Variants in XCR1 observed in about 807,000 individuals in gnomAD.
XCR1 encodes the protein X-C motif chemokine receptor 1, also known as chemokine XC receptor 1.
For synonymous variants in XCR1, 187 were observed against 188.5 expected, an observed-to-expected ratio of 0.99 and a Z score of 0.06; for missense variants, 356 against 424.2, an observed-to-expected ratio of 0.84 and a Z score of 1.41.
chr3:46,049,064 C>T (rs1355812326), intron 5 of XCR1, among the ~76,000 whole-genome samples: 1 of 152,164 alleles, frequency 6.6e-6, no homozygotes, highest in African/African-American at 2.4e-5. Context: ...TAGGCAATGT[C>T]ACTGTACATG....
chr3:46,033,576 AT>A (rs779922483), intron 5 of XCR1, among the ~76,000 whole-genome samples: 6 of 152,168 alleles, frequency 3.9e-5, no homozygotes, highest in Non-Finnish European at 5.9e-5. Context: ...CTGTAACTTT[AT>A]ATAAAGTCTT....
intron 4 of XCR1, among the ~76,000 whole-genome samples, chr3:46,054,150 T>C (rs1697806218): frequency 6.6e-6 from 1 of 152,162 alleles, no homozygotes; most frequent in Non-Finnish European, 1.5e-5. Flanking sequence ...GGGAGCACCT[T>C]GCCTCTAGTG....
Position 46,067,396 on chromosome 3 carries a change from A to G in XCR1, c.-262-418T>C, listed in dbSNP as rs187700262. Among the ~76,000 whole-genome samples, 11 of 152,304 alleles carry G rather than the reference A, an allele frequency of 7.2e-5. 1 individual carries two copies. The Middle Eastern group carries it at 0.017, about 235-fold the overall frequency. ...AGGGGGTTCAGTGTGGGTGAGGTGC[A>G]TGGTGTAAGAGGCAGGAACATCAAG... On this transcript the variant is annotated intron_variant, in intron 3 of 5. Coordinates refer to the XCR1 transcript ENST00000683768.
intron 1 of XCR1, among the ~76,000 whole-genome samples, chr3:46,077,051 T>C (rs1288683256): frequency 6.6e-6 from 1 of 152,188 alleles, no homozygotes; most frequent in Non-Finnish European, 1.5e-5. Flanking sequence ...AGTTACCTCT[T>C]GAAGCCACTT....
chr3:46,065,239 A>G (rs1698045329), intron 4 of XCR1, among the ~76,000 whole-genome samples: 1 of 152,210 alleles, frequency 6.6e-6, no homozygotes, highest in Non-Finnish European at 1.5e-5. Flanking sequence ...ATGTAGCAAT[A>G]GTCAAAACAA....
chr3:46,071,835 C>G (rs1698168696), intron 3 of XCR1, among the ~76,000 whole-genome samples: 1 of 152,070 alleles, frequency 6.6e-6, no homozygotes, highest in Non-Finnish European at 1.5e-5. Context: ...CCATATATGA[C>G]AAACCCATAG....
intron 1 of XCR1, chr3:46,023,294 C>T (rs1271243382): frequency 3.7e-6 from 3 of 819,274 alleles, no homozygotes; most frequent in Non-Finnish European, 6.1e-6. Flanking sequence ...CTGCTGCTGT[C>T]TATGGAAGTA....
intron 5 of XCR1, among the ~76,000 whole-genome samples, chr3:46,043,273 T>A (rs889201914): frequency 4.6e-5 from 7 of 151,960 alleles, no homozygotes; most frequent in Admixed American, 4.6e-4. Context: ...AAACCCCGTC[T>A]CTACTAAAAA....
chr3:46,040,099 A>G (rs942782811), intron 5 of XCR1, among the ~76,000 whole-genome samples: 1 of 152,184 alleles, frequency 6.6e-6, no homozygotes, highest in Non-Finnish European at 1.5e-5. Flanking sequence ...AGATAATAAG[A>G]GACTTTTGTT....
chr3:46,080,553 C>G (rs1372400203), intron 1 of XCR1, among the ~76,000 whole-genome samples: 1 of 152,088 alleles, frequency 6.6e-6, no homozygotes, highest in Non-Finnish European at 1.5e-5. Flanking sequence ...CAAAGCGAGA[C>G]CCTGTCTCAA....
At chr3:46,053,608 G>C (rs1697793251) in intron 5 of XCR1, among the ~76,000 whole-genome samples, 1 of 146,638 alleles carries the variant, frequency 6.8e-6, no homozygotes, top group Non-Finnish European at 1.5e-5. Context: ...TCCAAGAGGA[G>C]AAAACTGAAG....
chr3:46,071,425 T>TA (rs1183820799), intron 3 of XCR1, among the ~76,000 whole-genome samples: 1 of 152,006 alleles, frequency 6.6e-6, no homozygotes, highest in Non-Finnish European at 1.5e-5. Flanking sequence ...GATACTGTTC[T>TA]AAAAAATTGA....
intron 4 of XCR1, among the ~76,000 whole-genome samples, chr3:46,064,213 T>C (rs931922347): frequency 6.6e-6 from 1 of 152,212 alleles, no homozygotes; most frequent in Admixed American, 6.5e-5. Context: ...GTATTCAACA[T>C]TGACTGAACA....
At chr3:46,023,951 AT>A in intron 1 of XCR1, 1 of 1,464,314 alleles carries the variant, frequency 6.8e-7, no homozygotes, top group Admixed American at 1.7e-5. Context: ...GTAGATGCTG[AT>A]TTTGTAGAAA....
At chr3:46,049,473 G>T (rs1697698916) in intron 5 of XCR1, among the ~76,000 whole-genome samples, 1 of 152,200 alleles carries the variant, frequency 6.6e-6, no homozygotes, top group Non-Finnish European at 1.5e-5. Flanking sequence ...AGCTGCATGA[G>T]AGCGAATAAC....
intron 5 of XCR1, among the ~76,000 whole-genome samples, chr3:46,034,155 G>C (rs1697372772): frequency 6.6e-6 from 1 of 152,000 alleles, no homozygotes; most frequent in Non-Finnish European, 1.5e-5. Context: ...TGTATTTTTA[G>C]TAGACGGGGT....
chr3:46,046,367 T>C (rs1163378009), intron 5 of XCR1, among the ~76,000 whole-genome samples: 3 of 152,048 alleles, frequency 2.0e-5, no homozygotes, highest in African/African-American at 4.8e-5. Context: ...CGGTCCAGAG[T>C]AGGCTTGCAA....
intron 2 of XCR1, among the ~76,000 whole-genome samples, chr3:46,076,028 A>G (rs1348060657): frequency 6.6e-6 from 1 of 152,152 alleles, no homozygotes; most frequent in African/African-American, 2.4e-5. Context: ...CACGCACCAT[A>G]TGTGTTAGTC....
intron 5 of XCR1, among the ~76,000 whole-genome samples, chr3:46,033,548 G>A (rs1381892410): frequency 6.7e-6 from 1 of 149,838 alleles, no homozygotes; most frequent in Non-Finnish European, 1.5e-5. Context: ...TTTCACCAGT[G>A]TCACACTATC....
Sources: allele counts gnomAD v4.1 joint callset (sites outside exome capture counted in the v4.1 genomes callset), GRCh38; gene constraint gnomAD v4.1.1; transcripts MANE v1.5; gene names NCBI Gene and HGNC (gene_info 2026-07-23, HGNC 2026-07-21).